The following SPOCK3 variants were observed in gnomAD, a reference collection of about 807,000 sequenced individuals.
SPOCK3 encodes SPARC (osteonectin), cwcv and kazal like domains proteoglycan 3, also known as testican-3.
In SPOCK3, 30 loss-of-function variants were observed where a neutral mutation model predicts 56.6. The ratio of observed to expected loss-of-function variants is 0.53; its 90% CI spans 0.40 to 0.72. The LOEUF (loss-of-function observed/expected upper bound fraction) is 0.72. SPOCK3 is among the 30% of genes least tolerant of loss of function. The probability of loss-of-function intolerance (pLI) is 0.00; values close to 1 mark genes in which losing one functional copy is unlikely to be tolerated. For missense variants in SPOCK3, 527 were observed against 530.0 expected, an observed-to-expected ratio of 0.99 and a Z score of 0.06; for synonymous variants, 196 against 183.3, an observed-to-expected ratio of 1.07 and a Z score of -0.56.
At chr4:166,899,139 A>G (rs200590132) in intron 5 of SPOCK3, among the ~76,000 whole-genome samples, 1 of 151,898 alleles carries the variant, frequency 6.6e-6, no homozygotes, top group East Asian at 2.0e-4. Context: ...CACGGACTGA[A>G]TTATATCATC....
intron 8 of SPOCK3, 113 bp downstream of exon 8, chr4:166,754,395 C>T (rs1736793035): frequency 7.1e-7 from 1 of 1,408,034 alleles, no homozygotes; most frequent in Non-Finnish European, 9.2e-7. Context: ...ACTTGAATTA[C>T]AAAAACATAC....
chr4:166,793,669 G>A (rs1196655340), intron 6 of SPOCK3, among the ~76,000 whole-genome samples: 1 of 152,082 alleles, frequency 6.6e-6, no homozygotes, highest in Non-Finnish European at 1.5e-5. Context: ...GAACACTGGA[G>A]ACAAAATGAA....
At chr4:167,204,825 ATATT>A (rs948720592) in intron 2 of SPOCK3, among the ~76,000 whole-genome samples, 2 of 151,476 alleles carry the variant, frequency 1.3e-5, no homozygotes, top group African/African-American at 4.9e-5. Context: ...AATGAAAATC[ATATT>A]TATTTATTTA....
At chr4:166,890,088 C>T (rs147155204) in intron 5 of SPOCK3, among the ~76,000 whole-genome samples, 2 of 151,896 alleles carry the variant, frequency 1.3e-5, no homozygotes, top group East Asian at 1.9e-4. Context: ...ACATATCTTA[C>T]GTTTCTACAA....
chr4:167,048,038 G>A (rs748598422), intron 3 of SPOCK3, among the ~76,000 whole-genome samples: 8 of 152,018 alleles, frequency 5.3e-5, no homozygotes, highest in Non-Finnish European at 5.9e-5. Flanking sequence ...ACTTTGTATC[G>A]AAAAGAAAAG....
Position 167,233,903 on chromosome 4 carries a change from C to T in SPOCK3, c.189+82G>A, listed in dbSNP as rs1737445635. 10 of 1,248,490 alleles carry T rather than the reference C, an allele frequency of 8.0e-6. No homozygotes were observed. The East Asian group carries it at 2.3e-4, about 29-fold the overall frequency. The allele number at this position is 1,248,490 out of a possible 1,614,324, so 77.3% of individuals were successfully genotyped here. A position where few individuals can be genotyped will look rare whatever the true frequency, so the allele number is the denominator to read the frequency against. On this transcript the variant is annotated intron_variant, in intron 2 of 10. Transcript: ENST00000357545. Reference sequence around the variant, plus strand: ...CTCTCCTCAGAAAACGGAGCCCACTCCCCACCCACATCCGGCGGCCGCGGC... The same window carrying T: ...CTCTCCTCAGAAAACGGAGCCCACTTCCCACCCACATCCGGCGGCCGCGGC...
intron 6 of SPOCK3, among the ~76,000 whole-genome samples, chr4:166,845,306 T>C (rs1350880853): frequency 6.6e-6 from 1 of 152,212 alleles, no homozygotes; most frequent in Non-Finnish European, 1.5e-5. Flanking sequence ...AAATTTTTCA[T>C]TTTAATACAT....
intron 2 of SPOCK3, among the ~76,000 whole-genome samples, chr4:167,205,284 ATATT>A (rs1240215554): frequency 1.1e-3 from 54 of 51,016 alleles, no homozygotes; most frequent in Middle Eastern, 8.6e-3. Context: ...TATATTATAT[ATATT>A]TTATATCTAT....
chr4:166,746,858 T>C (rs13147923), intron 8 of SPOCK3, among the ~76,000 whole-genome samples: 119,761 of 151,676 alleles, frequency 0.79, 47,521 homozygotes, highest in South Asian at 0.82. Flanking sequence ...GTAAACACCT[T>C]TACACAAATA....
chr4:166,917,313 A>G (rs1737969749), intron 4 of SPOCK3, among the ~76,000 whole-genome samples: 1 of 152,130 alleles, frequency 6.6e-6, no homozygotes, highest in Non-Finnish European at 1.5e-5. Context: ...TGCAAGCAGA[A>G]TAAAATGCCA....
intron 6 of SPOCK3, among the ~76,000 whole-genome samples, chr4:166,828,133 T>C (rs891907128): frequency 6.6e-6 from 1 of 152,056 alleles, no homozygotes; most frequent in African/African-American, 2.4e-5. Flanking sequence ...CTTCAGCTTT[T>C]CAAAATTTGT....
intron 7 of SPOCK3, among the ~76,000 whole-genome samples, chr4:166,771,970 G>C (rs1738984227): frequency 6.6e-6 from 1 of 151,750 alleles, no homozygotes; most frequent in Admixed American, 6.6e-5. Flanking sequence ...AGCATGCTTG[G>C]TAAAATTGCA....
intron 7 of SPOCK3, among the ~76,000 whole-genome samples, chr4:166,775,562 T>A (rs1416514296): frequency 6.6e-6 from 1 of 152,178 alleles, no homozygotes; most frequent in Admixed American, 6.5e-5. Context: ...TTGAAGATCA[T>A]CTGTATATGG....
chr4:167,108,501 C>T (rs1249561675), intron 2 of SPOCK3, among the ~76,000 whole-genome samples: 5 of 151,850 alleles, frequency 3.3e-5, no homozygotes, highest in Admixed American at 1.3e-4. Context: ...CTGTCATTTG[C>T]AACAACATGG....
intron 4 of SPOCK3, among the ~76,000 whole-genome samples, chr4:166,993,165 G>T (rs1436817085): frequency 6.6e-6 from 1 of 152,136 alleles, no homozygotes; most frequent in Non-Finnish European, 1.5e-5. Context: ...TCTCTACTCA[G>T]ATCCAGAATT....
intron 3 of SPOCK3, among the ~76,000 whole-genome samples, chr4:167,023,522 G>T (rs1751402197): frequency 6.6e-6 from 1 of 151,920 alleles, no homozygotes; most frequent in Admixed American, 6.6e-5. Context: ...AGGGGGTGGA[G>T]GTATGGGATG....
At chr4:167,057,416 G>C (rs1561169775) in intron 3 of SPOCK3, among the ~76,000 whole-genome samples, 1 of 151,814 alleles carries the variant, frequency 6.6e-6, no homozygotes, top group Non-Finnish European at 1.5e-5. Context: ...ATAATGACAG[G>C]ATCAAATTCA....
intron 2 of SPOCK3, among the ~76,000 whole-genome samples, chr4:167,232,005 T>G (rs1238915809): frequency 6.6e-6 from 1 of 151,984 alleles, no homozygotes; most frequent in Non-Finnish European, 1.5e-5. Flanking sequence ...TTTTTAAAAT[T>G]TATGTACAAT....
intron 2 of SPOCK3, among the ~76,000 whole-genome samples, chr4:167,134,017 T>G (rs1227426993): frequency 2.1e-5 from 3 of 144,430 alleles, no homozygotes; most frequent in African/African-American, 7.6e-5. Context: ...CTTTTACACC[T>G]TTTTCTTTTT....
Sources: gnomAD v4.1 joint callset for allele counts (sites outside exome capture counted in the v4.1 genomes callset) on GRCh38, gnomAD v4.1.1 for gene constraint, MANE v1.5 for transcripts, NCBI Gene and HGNC (gene_info 2026-07-23, HGNC 2026-07-21) for gene names.